The following GTF3C1 variants were observed in gnomAD, a reference collection of about 807,000 sequenced individuals.
GTF3C1 encodes the protein general transcription factor 3C polypeptide 1.
In GTF3C1, 57 loss-of-function variants were observed where a neutral mutation model predicts 226.7. The observed-to-expected ratio is 0.25, with a 90% CI of 0.20 to 0.31. GTF3C1 has a LOEUF of 0.31. GTF3C1 is among the 10% of genes least tolerant of loss of function. The pLI is 1.00. For synonymous variants in GTF3C1, 1,090 were observed against 1,084.8 expected, an observed-to-expected ratio of 1.00 and a Z score of -0.09; for missense variants, 2,217 against 2,776.1, an observed-to-expected ratio of 0.80 and a Z score of 4.53.
intron 16 of GTF3C1, 44 bp downstream of exon 16, chr16:27,494,719 A>G: frequency 6.7e-7 from 1 of 1,499,786 alleles, no homozygotes; most frequent in Non-Finnish European, 9.3e-7. Context: ...TCCAGCCCAG[A>G]GCTGAGGGGC....
At chr16:27,468,265 A>C (rs1173044409) in intron 32 of GTF3C1, among the ~76,000 whole-genome samples, 2 of 152,222 alleles carry the variant, frequency 1.3e-5, no homozygotes, top group African/African-American at 4.8e-5. Context: ...TTGACATAGA[A>C]TCTACTCCTG....
rs111846300 is a variant in GTF3C1 at position 27,463,748 on chromosome 16, G to C, written c.5873-156C>G. The C allele has an allele frequency of 1.2e-5, 8 of 676,742 alleles. No homozygotes were observed. The highest frequency in any genetic ancestry group is 7.3e-5 in the African/African-American group (4 of 55,024). 41.9% of individuals were successfully genotyped at this position (676,742 alleles called of 1,614,324 possible). The stretch of plus-strand genomic sequence containing the variant: ...AGGACAATGAGCATCTCACAGAGCG[G>C]CCACCCTGGAGGTGGCAGGGCCGGG... On this transcript the variant is annotated intron_variant, in intron 34 of 36. Coordinates refer to ENST00000356183, the MANE Select transcript of GTF3C1 (RefSeq NM_001520.4). The surrounding 1 kb of genome is among the most constrained non-coding windows in gnomAD (Gnocchi z 4.9).
intron 12 of GTF3C1, among the ~76,000 whole-genome samples, chr16:27,500,637 G>A (rs2088391234): frequency 6.6e-6 from 1 of 152,220 alleles, no homozygotes; most frequent in Non-Finnish European, 1.5e-5. Flanking sequence ...CCCTGACCGT[G>A]AAAAACGTGT....
At chr16:27,515,090 C>T (rs374949237) in intron 6 of GTF3C1, among the ~76,000 whole-genome samples, 5 of 152,132 alleles carry the variant, frequency 3.3e-5, no homozygotes, top group Non-Finnish European at 7.4e-5. Flanking sequence ...AGGCAAGAAA[C>T]GGTACTAGTA....
intron 15 of GTF3C1, 145 bp downstream of exon 15, chr16:27,495,066 C>T (rs2088295193): frequency 2.3e-6 from 2 of 869,378 alleles, no homozygotes; most frequent in African/African-American, 1.7e-5. Context: ...AGAAAGCCTG[C>T]AGGTTCAGGA....
rs2087736386 is a variant in GTF3C1, at chr16:27,463,563, T to C, written c.5902A>G (p.Ile1968Val). 6.2e-7 allele frequency: 1 copy of C among 1,602,188 alleles called. No individual in the cohort carries two copies. The highest frequency in any genetic ancestry group is 1.3e-5 in the African/African-American group (1 of 74,576). Residue 1968 changes from isoleucine (I) to valine (V), a missense_variant, in exon 35 of 37, where the codon ATC (isoleucine) becomes GTC (valine). Around this residue, in one of 12 missense-constraint regions of GTF3C1, gnomAD observed 153 missense variants for 199.8 expected, o/e 0.77. Transcript: ENST00000356183. This position sits in a 1 kb window ranked among gnomAD's most constrained non-coding sequence, Gnocchi z 4.9. ...GFTESFGAAN[I>V]SQAARERDCE... The stretch of plus-strand genomic sequence containing the variant: ...CACCTTTCCCGTGCTGCCTGGGAGA[T>C]GTTGGCAGCTCCGAAACTCTCTGTG...
intron 11 of GTF3C1, 28 bp downstream of exon 11, chr16:27,502,831 A>G: frequency 6.6e-7 from 1 of 1,513,812 alleles, no homozygotes; most frequent in South Asian, 1.2e-5. Context: ...GTGCCAGCAG[A>G]CAGACAGACA....
intron 32 of GTF3C1, among the ~76,000 whole-genome samples, chr16:27,467,673 C>T (rs1287029934): frequency 6.6e-6 from 1 of 152,064 alleles, no homozygotes; most frequent in East Asian, 1.9e-4. Flanking sequence ...AGTTCAAGAC[C>T]AGCCTGCCCA....
Position 27,481,071 on chromosome 16 carries a change from C to T in GTF3C1, c.4196+8G>A, listed in dbSNP as rs200888316. 2.6e-4 allele frequency: 424 copies of T among 1,610,322 alleles called. 4 individuals carry two copies. In the South Asian group the frequency reaches 2.9e-3, roughly 11 times the overall value. ...GGGCCACATGGAACCATCCCAGAAA[C>T]GGCTTACCTGGCGAACAGCTCCTGG... On this transcript the variant is annotated splice_region_variant and intron_variant, in intron 27 of 36. Transcript: ENST00000356183.
rs1169207054 is a variant in GTF3C1, at chr16:27,464,790, GCA to G, written c.5400_5401del (p.Arg1802ProfsTer41). ...GGCAGAGCCCATGGCTACCAGGCGC[GCA>G]GTGTTGCCACCGACCTCCAGCACCT... On this transcript the variant is annotated frameshift_variant, in exon 34 of 37. Transcript: ENST00000356183. LOFTEE classifies it high-confidence loss of function. 6.5e-7 allele frequency: 1 copy of G among 1,540,500 alleles called. No individual in the cohort carries two copies. Among genetic ancestry groups the G allele is most frequent in the Non-Finnish European group, 8.6e-7 (1 of 1,156,348 alleles).
intron 2 of GTF3C1, among the ~76,000 whole-genome samples, chr16:27,539,576 G>A (rs371834777): frequency 7.2e-5 from 11 of 152,198 alleles, no homozygotes; most frequent in South Asian, 2.1e-4. Flanking sequence ...ATGTGCTGCC[G>A]GGGAACCCAT....
rs377106357 is a variant in GTF3C1, at chr16:27,486,162, C to T, written c.3701-8G>A. 27 of 1,572,550 alleles carry T rather than the reference C, an allele frequency of 1.7e-5. No individual in the cohort carries two copies. The highest frequency in any genetic ancestry group is 2.3e-5 in the Non-Finnish European group (26 of 1,146,672). On this transcript the variant is annotated splice_region_variant and splice_polypyrimidine_tract_variant and intron_variant, in intron 23 of 36. Coordinates refer to ENST00000356183, the MANE Select transcript of GTF3C1 (RefSeq NM_001520.4). ...TTTCTCCTGGGAACTCTCCTAAAAA[C>T]ACCAGAGGGAGAAGGCAGGAGACCT...
At chr16:27,527,863 T>C (rs1025120108) in intron 6 of GTF3C1, among the ~76,000 whole-genome samples, 1 of 150,120 alleles carries the variant, frequency 6.7e-6, no homozygotes, top group African/African-American at 2.5e-5. Flanking sequence ...ATTAGTCGGG[T>C]GTGGTGAGGC....
rs1041552346 is a variant in GTF3C1 at position 27,546,507 on chromosome 16, C to CAT, written c.222-986_222-985dup. The stretch of plus-strand genomic sequence containing the variant: ...TTTTGAAAAAAAAAAAAAATACATA[C>CAT]ATATATATATATATAATTTTTTTTC... On this transcript the variant is annotated intron_variant, in intron 1 of 36. Coordinates refer to ENST00000356183, the MANE Select transcript of GTF3C1 (RefSeq NM_001520.4). 7.7e-3 allele frequency among the ~76,000 whole-genome samples: 1,023 copies of CAT among 132,204 alleles called. 13 individuals carry two copies. Among genetic ancestry groups the CAT allele is most frequent in the African/African-American group, 0.026 (908 of 35,388 alleles). The allele number at this position is 132,204 out of a possible 152,430, so 86.7% of individuals were successfully genotyped here.
chr16:27,505,008 A>G (rs1365791033), intron 10 of GTF3C1, among the ~76,000 whole-genome samples: 1 of 152,014 alleles, frequency 6.6e-6, no homozygotes, highest in Non-Finnish European at 1.5e-5. Context: ...CCATGCATCT[A>G]CTCCGTGCTA....
Position 27,492,731 on chromosome 16 carries a change from C to G in GTF3C1, c.2877-18G>C. On this transcript the variant is annotated intron_variant, in intron 17 of 36. Transcript: ENST00000356183. This position sits in a 1 kb window ranked among gnomAD's most constrained non-coding sequence, Gnocchi z 5.0. ...TGTAACGCCTAGAAAACAGAGGGGGCGGGAGGTTCTCATCACACCACACTC... is the reference window on the plus strand; with the variant it reads ...TGTAACGCCTAGAAAACAGAGGGGGGGGGAGGTTCTCATCACACCACACTC... The G allele has an allele frequency of 7.1e-7, 1 of 1,404,592 alleles. No individual in the cohort carries two copies. The highest frequency in any genetic ancestry group is 2.3e-5 in the East Asian group (1 of 43,926). The allele number at this position is 1,404,592 out of a possible 1,614,324, so 87.0% of individuals were successfully genotyped here. A position where few individuals can be genotyped will look rare whatever the true frequency, so the allele number is the denominator to read the frequency against.
At position 27,537,778 on chromosome 16, in the gene GTF3C1, C is replaced by A; in HGVS notation, c.752+6G>T. On this transcript the variant is annotated splice_donor_region_variant and intron_variant, in intron 4 of 36. Transcript: ENST00000356183. The stretch of plus-strand genomic sequence containing the variant: ...AACCTAATGTTTTGGTCACTACAAA[C>A]CATACCTGTCCACATGAAACCGGTT... 1 of 1,605,922 alleles carries A rather than the reference C, an allele frequency of 6.2e-7. No homozygotes were observed. Among genetic ancestry groups the A allele is most frequent in the South Asian group, 1.1e-5 (1 of 90,588 alleles).
At chr16:27,547,297 G>C (rs1018825877) in intron 1 of GTF3C1, among the ~76,000 whole-genome samples, 2 of 152,178 alleles carry the variant, frequency 1.3e-5, no homozygotes, top group Admixed American at 1.3e-4. Context: ...CAGATGTCTA[G>C]CTCAGTCCCT....
intron 19 of GTF3C1, among the ~76,000 whole-genome samples, chr16:27,490,005 G>A (rs1026971705): frequency 2.0e-5 from 3 of 152,246 alleles, no homozygotes; most frequent in Non-Finnish European, 4.4e-5. Context: ...ACTGAAGACA[G>A]AAGGCAGGCA....
Sources: gnomAD v4.1 joint callset for allele counts (sites outside exome capture counted in the v4.1 genomes callset) on GRCh38, gnomAD v4.1.1 for gene constraint, gnomAD v4.1.1 regional missense constraint, Gnocchi (gnomAD v3.1) non-coding constraint, MANE v1.5 for transcripts, NCBI Gene and HGNC (gene_info 2026-07-23, HGNC 2026-07-21) for gene names.